USP53: variants seen among roughly 807,000 people sequenced by gnomAD.
USP53 encodes ubiquitin carboxyl-terminal hydrolase 53.
USP53 carries 71 observed loss-of-function variants against 94.9 expected under a neutral mutation model. That is an observed-to-expected ratio of 0.75 (90% CI 0.62 to 0.91). The LOEUF (loss-of-function observed/expected upper bound fraction) is 0.91, where lower values mean the gene tolerates loss of function less well. USP53 is among the 40% of genes least tolerant of loss of function. The probability of loss-of-function intolerance (pLI) is 0.00; values close to 1 mark genes in which losing one functional copy is unlikely to be tolerated. For missense variants in USP53, 1,173 were observed against 1,281.0 expected (o/e 0.92, Z 1.29); for synonymous variants, 375 against 422.7 (o/e 0.89, Z 1.39).
chr4:119,262,992 A>C (rs1191764045), intron 12 of USP53, among the ~76,000 whole-genome samples: 1 of 152,220 alleles, frequency 6.6e-6, no homozygotes, highest in Non-Finnish European at 1.5e-5. Flanking sequence ...GGCAATCTTT[A>C]TTAAGTAGTA....
chr4:119,287,562 A>T (rs1266122068), intron 17 of USP53, among the ~76,000 whole-genome samples: 1 of 152,198 alleles, frequency 6.6e-6, no homozygotes, highest in African/African-American at 2.4e-5. Flanking sequence ...TGCAGTCTTC[A>T]TAGATTTGGT....
rs1755126473 is a variant in USP53 at position 119,295,031 on chromosome 4, GTTTGTGTAGTTTTTTTTTTCTA to G, written c.*1825_*1846del. Reference sequence around the variant, plus strand: ...TTCAAGTTTTTTAATAGCTTTCACAGTTTGTGTAGTTTTTTTTTTCTATTTGGTTAAGATGTGAGTTGGAAAT... The same window carrying G: ...TTCAAGTTTTTTAATAGCTTTCACAGTTTGGTTAAGATGTGAGTTGGAAAT... On this transcript the variant is annotated 3_prime_UTR_variant, in exon 19 of 19. Coordinates refer to ENST00000692078, the MANE Select transcript of USP53 (RefSeq NM_001371395.1). 6.6e-6 allele frequency: 1 copy of G among 151,778 alleles called. No homozygotes were observed. The highest frequency in any genetic ancestry group is 2.4e-5 in the African/African-American group (1 of 41,368). The allele number at this position is 151,778 out of a possible 1,614,324, so 9.4% of individuals were successfully genotyped here.
chr4:119,231,771 A>G (rs1012787638), intron 3 of USP53, among the ~76,000 whole-genome samples: 13 of 152,124 alleles, frequency 8.5e-5, no homozygotes, highest in African/African-American at 2.9e-4. Flanking sequence ...CAGTGGAGTC[A>G]CACAGGGCAC....
chr4:119,292,792 C>A lies in USP53; in HGVS notation c.2803C>A (p.Pro935Thr), dbSNP rs529294981. The change falls in exon 19 of 19, where the codon CCA becomes ACA. Residue 935 changes from proline to threonine, a missense_variant. By Grantham distance (38) the Pro-to-Thr change is conservative. Transcript: ENST00000692078. Reference protein sequence around the residue: ...PPKKYAITSVPQSEKSESTPD... With the variant: ...PPKKYAITSVTQSEKSESTPD... ...AAAGAAATATGCTATAACCAGTGTG[C>A]CACAGTCAGAGAAAAGCGAATCTAC... 1.2e-6 allele frequency: 2 copies of A among 1,609,594 alleles called. No individual in the cohort carries two copies. Among genetic ancestry groups the A allele is most frequent in the South Asian group, 2.2e-5 (2 of 90,882 alleles).
Position 119,269,787 on chromosome 4 carries a change from A to G in USP53, c.1385A>G (p.Gln462Arg). The G allele has an allele frequency of 1.3e-6, 2 of 1,529,362 alleles. No individual in the cohort carries two copies. The highest frequency in any genetic ancestry group is 1.3e-5 in the South Asian group (1 of 75,842). The allele number at this position is 1,529,362 out of a possible 1,614,324, so 94.7% of individuals were successfully genotyped here. The change falls in exon 15 of 19, where the codon CAA becomes CGA. Residue 462 changes from glutamine (Q) to arginine (R), a missense_variant. By Grantham distance (43) the Gln-to-Arg change is conservative (BLOSUM62 1). Transcript: ENST00000692078. ...AIEQKNLLSS[Q>R]RKDLEKGQRK... ...GAACAGAAAAACTTACTTTCTTCACAAAGGAAAGATTTAGAGAAGGGACAA... is the reference window on the plus strand; with the variant it reads ...GAACAGAAAAACTTACTTTCTTCACGAAGGAAAGATTTAGAGAAGGGACAA...
At position 119,213,660 on chromosome 4, in the gene USP53, A is replaced by G. The variant is rs191146335; in HGVS notation, c.-941-410A>G. On this transcript the variant is annotated intron_variant, in intron 1 of 18. Coordinates refer to ENST00000692078, the MANE Select transcript of USP53 (RefSeq NM_001371395.1). Reference sequence around the variant, plus strand: ...GAAATAGATATATATATATATATATATGTGTGTGTGTGTATGTATGTATGT... The same window carrying G: ...GAAATAGATATATATATATATATATGTGTGTGTGTGTGTATGTATGTATGT... Among the ~76,000 whole-genome samples, 842 of 117,778 alleles carry G rather than the reference A, an allele frequency of 7.1e-3. 40 individuals are homozygous for G. The highest frequency in any genetic ancestry group is 0.028 in the East Asian group (125 of 4,448). 77.3% of individuals were successfully genotyped at this position (117,778 alleles called of 152,430 possible).
intron 4 of USP53, among the ~76,000 whole-genome samples, chr4:119,238,544 G>A (rs895520231): frequency 6.6e-6 from 1 of 152,176 alleles, no homozygotes; most frequent in African/African-American, 2.4e-5. Flanking sequence ...AAGAATTACT[G>A]AAGTGTGACA....
Position 119,245,374 on chromosome 4 carries a change from G to A in USP53, c.182G>A (p.Arg61Gln), listed in dbSNP as rs200442578. 16 of 1,613,608 alleles carry A rather than the reference G, an allele frequency of 9.9e-6. No homozygotes were observed. The highest frequency in any genetic ancestry group is 9.3e-5 in the African/African-American group (7 of 74,884). The change falls in exon 6 of 19, where the codon CGG (arginine) becomes CAG (glutamine). Residue 61 changes from arginine (R) to glutamine (Q), a missense_variant. Physicochemically the swap from Arg to Gln is conservative, Grantham distance 43. Transcript: ENST00000692078. Reference protein sequence around the residue: ...WQLDIFRRSLRVLTGHVCQGD... With the variant: ...WQLDIFRRSLQVLTGHVCQGD... ...TTGGATATATTCCGACGAAGCTTGC[G>A]GGTTTTGACTGGACATGTTTGTCAG...
At chr4:119,283,034 T>TA (rs1383530165) in intron 17 of USP53, among the ~76,000 whole-genome samples, 2 of 152,008 alleles carry the variant, frequency 1.3e-5, no homozygotes, top group African/African-American at 2.4e-5. Context: ...TTTCTTTTTT[T>TA]ATTCCATTAA....
At chr4:119,226,868 C>CT (rs1186258865) in intron 3 of USP53, among the ~76,000 whole-genome samples, 2 of 152,154 alleles carry the variant, frequency 1.3e-5, no homozygotes, top group Non-Finnish European at 2.9e-5. Flanking sequence ...GTCTCACACT[C>CT]TGTCACCCAA....
At position 119,288,938 on chromosome 4, in the gene USP53, CAAA is replaced by C. The variant is rs35580805; in HGVS notation, c.2252-2207_2252-2205del. On this transcript the variant is annotated intron_variant, in intron 17 of 18. Coordinates refer to ENST00000692078, the MANE Select transcript of USP53 (RefSeq NM_001371395.1). ...GGGCAACAAGAGCGAAACTCTGTCT[CAAA>C]AAAAAAAAAAAAAAAAAAATACTGG... Among the ~76,000 whole-genome samples, 87 of 106,972 alleles carry C rather than the reference CAAA, an allele frequency of 8.1e-4. 1 individual carries two copies. Among genetic ancestry groups the C allele is most frequent in the East Asian group, 1.9e-3 (7 of 3,776 alleles). 70.2% of individuals were successfully genotyped at this position (106,972 alleles called of 152,430 possible).
At chr4:119,284,221 G>T (rs774732558) in intron 17 of USP53, among the ~76,000 whole-genome samples, 28 of 151,432 alleles carry the variant, frequency 1.8e-4, no homozygotes, top group Middle Eastern at 3.4e-3. Flanking sequence ...AGACATAGAC[G>T]CAAGATTGAA....
chr4:119,254,463 A>G (rs182592582), intron 7 of USP53, among the ~76,000 whole-genome samples: 1 of 152,004 alleles, frequency 6.6e-6, no homozygotes, highest in Admixed American at 6.6e-5. Flanking sequence ...GCTTTATTTC[A>G]TTAATTAGAT....
intron 13 of USP53, among the ~76,000 whole-genome samples, chr4:119,267,768 G>A (rs1009422475): frequency 6.6e-6 from 1 of 152,100 alleles, no homozygotes; most frequent in African/African-American, 2.4e-5. Context: ...TTAGTAAACT[G>A]GAAAAGTCCG....
intron 18 of USP53, among the ~76,000 whole-genome samples, chr4:119,291,799 T>C (rs1754790388): frequency 6.6e-6 from 1 of 152,068 alleles, no homozygotes; most frequent in East Asian, 1.9e-4. Flanking sequence ...GGCAGCAGGA[T>C]CACTTGAGGC....
chr4:119,233,174 C>CTT (rs11341773), intron 3 of USP53, among the ~76,000 whole-genome samples: 4 of 142,374 alleles, frequency 2.8e-5, no homozygotes, highest in African/African-American at 1.0e-4. Flanking sequence ...TTCTCTCTCT[C>CTT]TTTTTTTTTT....
At chr4:119,259,774 G>GT (rs1561276712) in intron 9 of USP53, 46 bp from the exon 10 acceptor site, 4 of 1,493,504 alleles carry the variant, frequency 2.7e-6, no homozygotes, top group Non-Finnish European at 3.7e-6. Flanking sequence ...ATTTATTAAA[G>GT]TTTTAAGTTC....
intron 6 of USP53, 47 bp downstream of exon 6, chr4:119,245,476 A>G: frequency 2.6e-6 from 4 of 1,566,014 alleles, no homozygotes; most frequent in Non-Finnish European, 3.5e-6. Context: ...TGTTCCTTCA[A>G]AAATTTAAGT....
At chr4:119,249,179 C>G (rs1459824828) in intron 7 of USP53, among the ~76,000 whole-genome samples, 1 of 152,150 alleles carries the variant, frequency 6.6e-6, no homozygotes, top group African/African-American at 2.4e-5. Flanking sequence ...TCACTTAAAT[C>G]AGTGTTCTGC....
Sources: gnomAD v4.1 joint callset for allele counts (sites outside exome capture counted in the v4.1 genomes callset) on GRCh38, gnomAD v4.1.1 for gene constraint, MANE v1.5 for transcripts, NCBI Gene and HGNC (gene_info 2026-07-23, HGNC 2026-07-21) for gene names.